The following FRMPD4 variants were observed in gnomAD, a reference collection of about 807,000 sequenced individuals.
The protein encoded by FRMPD4 is FERM and PDZ domain-containing protein 4.
A neutral mutation model predicts 94.1 loss-of-function variants in FRMPD4; 22 were observed. The observed-to-expected ratio is 0.23, with a 90% confidence interval of 0.17 to 0.33. The LOEUF is 0.33. Among genes scored for constraint, FRMPD4 ranks in the 10% least tolerant of loss-of-function variants. The pLI is 1.00. For missense variants in FRMPD4, 1,111 were observed against 1,339.9 expected (o/e 0.83, Z 2.67); for synonymous variants, 631 against 548.6 (o/e 1.15, Z -2.10).
At chrX:12,231,018 AG>A (rs376111665) in intron 1 of FRMPD4, among the ~76,000 whole-genome samples, 5,895 of 42,252 alleles carry the variant, frequency 0.14, 638 homozygotes, top group Non-Finnish European at 0.18. Context: ...TAGTATATAT[AG>A]TATATATATA....
chrX:12,511,256 CCAAT>C (rs2058039510), intron 2 of FRMPD4, among the ~76,000 whole-genome samples: 1 of 110,986 alleles, frequency 9.0e-6, no homozygotes, highest in Admixed American at 9.6e-5. Context: ...AAAACCAGGC[CCAAT>C]CAAAGTGCCA....
At chrX:11,970,192 C>A (rs191821960) in intron 3 of FRMPD4, among the ~76,000 whole-genome samples, 41 of 112,344 alleles carry the variant, frequency 3.6e-4, no homozygotes, top group African/African-American at 1.3e-3. Flanking sequence ...CTTTTCAACT[C>A]AGTACCTTCA....
chrX:11,864,638 G>T (rs766117652), intron 1 of FRMPD4, among the ~76,000 whole-genome samples: 1 of 111,003 alleles, frequency 9.0e-6, no homozygotes, highest in Non-Finnish European at 1.9e-5. Context: ...TGAATATTCT[G>T]GTGAATTGAC....
intron 16 of FRMPD4, among the ~76,000 whole-genome samples, chrX:12,720,087 A>C (rs2042208566): frequency 9.0e-6 from 1 of 110,772 alleles, no homozygotes; most frequent in Admixed American, 9.6e-5. Context: ...AGAAAGAGAA[A>C]GAAAGAAAGG....
chrX:12,449,408 T>C (rs1462329152), intron 1 of FRMPD4, among the ~76,000 whole-genome samples: 1 of 111,975 alleles, frequency 8.9e-6, no homozygotes, highest in Non-Finnish European at 1.9e-5. Context: ...CTGAGTGCAC[T>C]CAAAATATAA....
upstream of FRMPD4, among the ~76,000 whole-genome samples, chrX:12,135,232 T>G (rs929901174): frequency 1.8e-5 from 2 of 111,114 alleles, no homozygotes; most frequent in African/African-American, 6.6e-5. Context: ...ACATATGTAC[T>G]CAGGATCCCA....
At chrX:12,354,325 C>A (rs1432766864) in intron 1 of FRMPD4, among the ~76,000 whole-genome samples, 1 of 112,110 alleles carries the variant, frequency 8.9e-6, no homozygotes, top group African/African-American at 3.2e-5. Context: ...AGCTGGAATA[C>A]CTGTCTGCCA....
At chrX:12,070,439 A>T (rs899617848) in intron 3 of FRMPD4, among the ~76,000 whole-genome samples, 1 of 112,070 alleles carries the variant, frequency 8.9e-6, no homozygotes, top group Non-Finnish European at 1.9e-5. Context: ...CTGGGCTTTC[A>T]TAGAAAACCC....
chrX:12,535,704 G>C (rs984437082), intron 2 of FRMPD4, among the ~76,000 whole-genome samples: 2 of 112,025 alleles, frequency 1.8e-5, no homozygotes, highest in African/African-American at 6.5e-5. Flanking sequence ...TGTCAATAAA[G>C]TTTCATTGGA....
intron 1 of FRMPD4, among the ~76,000 whole-genome samples, chrX:11,854,458 C>G (rs942579048): frequency 5.4e-5 from 6 of 111,982 alleles, no homozygotes; most frequent in Non-Finnish European, 7.5e-5. Context: ...TCATCTGAGA[C>G]AAGGCAAGTC....
At chrX:12,006,494 A>G in intron 3 of FRMPD4, among the ~76,000 whole-genome samples, 1 of 112,423 alleles carries the variant, frequency 8.9e-6, no homozygotes, top group South Asian at 3.7e-4. Context: ...AAAAGCCACC[A>G]CATTTGCCAA....
intron 2 of FRMPD4, among the ~76,000 whole-genome samples, chrX:12,560,889 C>T (rs1173067061): frequency 3.1e-5 from 3 of 96,204 alleles, no homozygotes; most frequent in African/African-American, 1.1e-4. Flanking sequence ...CCTGCCTCAG[C>T]CTCCCAAGTA....
chrX:12,253,526 C>T (rs996397315), intron 1 of FRMPD4, among the ~76,000 whole-genome samples: 1 of 111,998 alleles, frequency 8.9e-6, no homozygotes, highest in Non-Finnish European at 1.9e-5. Flanking sequence ...CAGCTAATGT[C>T]ATTACCCTCT....
intron 3 of FRMPD4, among the ~76,000 whole-genome samples, chrX:11,898,501 A>G (rs1182281195): frequency 1.8e-5 from 2 of 111,803 alleles, no homozygotes; most frequent in East Asian, 5.6e-4. Flanking sequence ...ATCACCTAGG[A>G]GGAGCCTCTG....
At chrX:12,182,586 A>ATG (rs1389535769) in intron 1 of FRMPD4, among the ~76,000 whole-genome samples, 1 of 110,175 alleles carries the variant, frequency 9.1e-6, no homozygotes, top group East Asian at 2.9e-4. Flanking sequence ...AAATATATAT[A>ATG]TATATGTCAT....
intron 1 of FRMPD4, among the ~76,000 whole-genome samples, chrX:12,151,991 T>G (rs2147597777): frequency 9.0e-6 from 1 of 111,697 alleles, no homozygotes. Flanking sequence ...TATTCAAATT[T>G]TATGCTAAAA....
intron 3 of FRMPD4, among the ~76,000 whole-genome samples, chrX:12,100,850 C>T (rs2055249641): frequency 8.9e-6 from 1 of 112,210 alleles, no homozygotes; most frequent in African/African-American, 3.2e-5. Context: ...TCCTGTGCAA[C>T]TCTTCTGAAG....
Position 12,221,705 on chromosome X carries a change from A to G in FRMPD4, c.41+82693A>G, listed in dbSNP as rs1193426359. On this transcript the variant is annotated intron_variant, in intron 1 of 16. Transcript: ENST00000675598. ...ACCCAATTTGGAGAAAAGTGAATCA[A>G]CTGGCCTTCATGAAGAGGAAATATG... 5.4e-5 allele frequency among the ~76,000 whole-genome samples: 6 copies of G among 112,145 alleles called. No homozygotes were observed. The South Asian group carries it at 1.5e-3, about 28-fold the overall frequency.
chrX:12,242,091 A>T (rs1384146403), intron 1 of FRMPD4, among the ~76,000 whole-genome samples: 2 of 111,504 alleles, frequency 1.8e-5, no homozygotes, highest in Non-Finnish European at 3.8e-5. Flanking sequence ...TCCTCCATAT[A>T]CTTTAAGGTT....
Sources: allele counts gnomAD v4.1 joint callset (sites outside exome capture counted in the v4.1 genomes callset), GRCh38; gene constraint gnomAD v4.1.1; transcripts MANE v1.5; gene names NCBI Gene and HGNC (gene_info 2026-07-23, HGNC 2026-07-21).